RNF121: variants seen among roughly 807,000 people sequenced by gnomAD.
The protein encoded by RNF121 is ring finger protein 121, also known as E3 ubiquitin ligase RNF121.
RNF121 carries 21 observed loss-of-function variants against 46.5 expected under a neutral mutation model. That is an observed-to-expected ratio of 0.45 (90% CI 0.32 to 0.65). The LOEUF (loss-of-function observed/expected upper bound fraction) is 0.65, where lower values mean the gene tolerates loss of function less well. RNF121 is among the 30% of genes least tolerant of loss of function. RNF121 has a pLI of 0.04. For missense variants in RNF121, 346 were observed against 416.0 expected, an observed-to-expected ratio of 0.83 and a Z score of 1.46; for synonymous variants, 139 against 144.7, an observed-to-expected ratio of 0.96 and a Z score of 0.28.
intron 3 of RNF121, among the ~76,000 whole-genome samples, chr11:71,963,823 A>G (rs977563302): frequency 1.3e-5 from 2 of 152,162 alleles, no homozygotes; most frequent in African/African-American, 4.8e-5. Flanking sequence ...CAATTGATCA[A>G]AGATATGTTG....
At chr11:71,983,439 T>C (rs1199260136) in intron 4 of RNF121, among the ~76,000 whole-genome samples, 1 of 152,252 alleles carries the variant, frequency 6.6e-6, no homozygotes, top group Non-Finnish European at 1.5e-5. Context: ...TCTGAATTTT[T>C]GTTGAATGAA....
At chr11:71,990,790 A>G in intron 6 of RNF121, 73 bp downstream of exon 6, 2 of 1,571,804 alleles carry the variant, frequency 1.3e-6, no homozygotes. Context: ...CACTTGTTTA[A>G]TGGAAGAGAA....
Position 71,957,255 on chromosome 11 carries a change from A to G in RNF121, c.92A>G (p.Glu31Gly). Residue 31 changes from glutamate to glycine, a missense_variant, in exon 2 of 9, where the codon GAG becomes GGG. This residue lies in a region of RNF121 where 286 missense variants were observed against 383.8 expected (regional missense o/e 0.75). Transcript: ENST00000361756. The stretch of plus-strand genomic sequence containing the variant: ...GATATGTCAGATCTCTCTCCAGAAG[A>G]GCAATGGAGGTAAGTGTGGTAGTTC... ...EVDMSDLSPE[E>G]QWRVEHARMH... is the part of the protein sequence containing the mutation. 6.2e-7 allele frequency: 1 copy of G among 1,602,440 alleles called. No homozygotes were observed. Among genetic ancestry groups the G allele is most frequent in the Non-Finnish European group, 8.6e-7 (1 of 1,169,350 alleles).
chr11:71,988,657 A>C (rs1193854097), intron 5 of RNF121, among the ~76,000 whole-genome samples: 4 of 139,098 alleles, frequency 2.9e-5, no homozygotes, highest in African/African-American at 1.1e-4. Context: ...AAAAAAAAAG[A>C]AAGAAAGAAA....
At chr11:71,940,914 AGAGT>A (rs1175642983) in intron 1 of RNF121, among the ~76,000 whole-genome samples, 4 of 152,246 alleles carry the variant, frequency 2.6e-5, no homozygotes, top group Non-Finnish European at 5.9e-5. Flanking sequence ...GAGGTAAGGA[AGAGT>A]GAGTGGTCCA....
At chr11:71,939,708 C>T in intron 1 of RNF121, among the ~76,000 whole-genome samples, 1 of 152,200 alleles carries the variant, frequency 6.6e-6, no homozygotes, top group Non-Finnish European at 1.5e-5. Flanking sequence ...GATACAACCT[C>T]ATGTCTTCAT....
intron 3 of RNF121, among the ~76,000 whole-genome samples, chr11:71,970,359 T>G (rs1319389734): frequency 1.3e-5 from 2 of 152,208 alleles, no homozygotes; most frequent in Non-Finnish European, 2.9e-5. Flanking sequence ...TTTTGGGTTT[T>G]GAAACCACAA....
Position 71,994,734 on chromosome 11 carries a change from G to C in RNF121, c.643G>C (p.Gly215Arg). Residue 215 changes from glycine to arginine, a missense_variant, in exon 7 of 9, where the codon GGC (glycine) becomes CGC (arginine). By Grantham distance (125) the Gly-to-Arg change is moderately radical. This residue lies in a region of RNF121 where 286 missense variants were observed against 383.8 expected (regional missense o/e 0.75). Transcript: ENST00000361756. Reference sequence around the variant, plus strand: ...TCTCCTTCAGTTCTACAGCGAGTCGGGCATGCCTACCAAACATCTTTCAGA... The same window carrying C: ...TCTCCTTCAGTTCTACAGCGAGTCGCGCATGCCTACCAAACATCTTTCAGA... ...ASTIGFYSESGMPTKHLSDSV... is the reference protein window; with the variant it reads ...ASTIGFYSESRMPTKHLSDSV... 6.2e-7 allele frequency: 1 copy of C among 1,614,038 alleles called. No homozygotes were observed. Among genetic ancestry groups the C allele is most frequent in the South Asian group, 1.1e-5 (1 of 91,072 alleles).
chr11:71,990,359 G>A (rs1954841904), intron 5 of RNF121, among the ~76,000 whole-genome samples: 1 of 152,222 alleles, frequency 6.6e-6, no homozygotes, highest in Non-Finnish European at 1.5e-5. Flanking sequence ...AGGAAAAGGG[G>A]TAGGAGGGGA....
At chr11:71,980,252 A>C (rs1954620768) in intron 3 of RNF121, among the ~76,000 whole-genome samples, 1 of 152,226 alleles carries the variant, frequency 6.6e-6, no homozygotes, top group Non-Finnish European at 1.5e-5. Context: ...CCTCGGGTAC[A>C]CAGAATGGGA....
intron 1 of RNF121, among the ~76,000 whole-genome samples, chr11:71,947,533 T>A (rs373508723): frequency 6.7e-6 from 1 of 150,168 alleles, no homozygotes; most frequent in African/African-American, 2.4e-5. Context: ...GAGTAGAGAA[T>A]TCTAGAGAGA....
chr11:71,935,376 G>A (rs1236129769), intron 1 of RNF121, among the ~76,000 whole-genome samples: 2 of 152,194 alleles, frequency 1.3e-5, no homozygotes, highest in Non-Finnish European at 2.9e-5. Context: ...TGACAGAACT[G>A]GGGTTCAAAT....
chr11:71,934,902 T>A (rs1461227793), intron 1 of RNF121, among the ~76,000 whole-genome samples: 1 of 151,906 alleles, frequency 6.6e-6, no homozygotes, highest in Non-Finnish European at 1.5e-5. Context: ...AGATTACTTA[T>A]TCTGTGCCTA....
chr11:71,941,540 C>G (rs983944927), intron 1 of RNF121, among the ~76,000 whole-genome samples: 1 of 152,082 alleles, frequency 6.6e-6, no homozygotes, highest in African/African-American at 2.4e-5. Flanking sequence ...AAGTAGATAA[C>G]AAATAAACAG....
At chr11:71,942,860 G>A (rs1233290239) in intron 1 of RNF121, among the ~76,000 whole-genome samples, 1 of 151,712 alleles carries the variant, frequency 6.6e-6, no homozygotes. Flanking sequence ...TCTGGAGGCT[G>A]GGAAGTCTAA....
At chr11:71,964,440 T>TTGAG (rs1554988402) in intron 3 of RNF121, among the ~76,000 whole-genome samples, 3 of 151,922 alleles carry the variant, frequency 2.0e-5, no homozygotes, top group Non-Finnish European at 2.9e-5. Context: ...CATCTGAGAG[T>TTGAG]AGAGTTTCAC....
At chr11:71,960,677 A>G (rs910509429) in intron 2 of RNF121, 73 bp from the exon 3 acceptor site, 24 of 1,540,698 alleles carry the variant, frequency 1.6e-5, no homozygotes, top group African/African-American at 5.4e-5. Context: ...CTGGTGGGAT[A>G]TCCCTGGAAA....
intron 1 of RNF121, among the ~76,000 whole-genome samples, chr11:71,946,690 G>T (rs1263861965): frequency 6.7e-6 from 1 of 148,510 alleles, no homozygotes; most frequent in African/African-American, 2.5e-5. Context: ...TTTAAAATAA[G>T]ATGGTTGCAT....
chr11:71,934,379 A>G (rs1473945353), intron 1 of RNF121, among the ~76,000 whole-genome samples: 1 of 152,240 alleles, frequency 6.6e-6, no homozygotes, highest in Non-Finnish European at 1.5e-5. Flanking sequence ...GGGTGGGTGC[A>G]GTGGGCACAT....
Sources: gnomAD v4.1 joint callset for allele counts (sites outside exome capture counted in the v4.1 genomes callset) on GRCh38, gnomAD v4.1.1 for gene constraint, gnomAD v4.1.1 regional missense constraint, MANE v1.5 for transcripts, NCBI Gene and HGNC (gene_info 2026-07-23, HGNC 2026-07-21) for gene names.